Variants in AGBL1 observed in about 807,000 individuals in gnomAD.
The protein encoded by AGBL1 is cytosolic carboxypeptidase 4.
A neutral mutation model predicts 118.9 loss-of-function variants in AGBL1; 130 were observed. The observed-to-expected ratio is 1.09, with a 90% CI of 0.95 to 1.26. The LOEUF (loss-of-function observed/expected upper bound fraction) is 1.26, where lower values mean the gene tolerates loss of function less well. Ranked by LOEUF, AGBL1 falls within the 50% of genes most tolerant of loss-of-function variation. AGBL1 has a pLI of 0.00. For synonymous variants in AGBL1, 555 were observed against 478.9 expected (o/e 1.16, Z -2.08); for missense variants, 1,584 against 1,298.1 (o/e 1.22, Z -3.38).
chr15:86,756,162 G>A (rs569898159), intron 22 of AGBL1, among the ~76,000 whole-genome samples: 48 of 149,802 alleles, frequency 3.2e-4, no homozygotes, highest in Non-Finnish European at 5.6e-4. Context: ...CAGGAGCCAG[G>A]CCAAACAAAT....
chr15:86,223,629 C>G (rs957512045), intron 5 of AGBL1, among the ~76,000 whole-genome samples: 9 of 152,132 alleles, frequency 5.9e-5, no homozygotes, highest in African/African-American at 2.2e-4. Flanking sequence ...TCCATGAAAG[C>G]TAGCCTCGCC....
chr15:86,196,924 CACG>C, intron 5 of AGBL1, among the ~76,000 whole-genome samples: 1 of 148,512 alleles, frequency 6.7e-6, no homozygotes, highest in African/African-American at 2.5e-5. Flanking sequence ...CACACACACA[CACG>C]AAAGGCCATA....
At chr15:86,441,511 G>C (rs2082064265) in intron 18 of AGBL1, among the ~76,000 whole-genome samples, 3 of 152,198 alleles carry the variant, frequency 2.0e-5, no homozygotes, top group Admixed American at 2.0e-4. Context: ...AAGACGGTGT[G>C]AGAGTAGGGG....
chr15:86,781,487 C>T (rs1016582456), intron 22 of AGBL1, among the ~76,000 whole-genome samples: 2 of 152,096 alleles, frequency 1.3e-5, no homozygotes, highest in African/African-American at 2.4e-5. Context: ...ATGACAGGTG[C>T]TCAAAACCAG....
rs78903091 is a variant in AGBL1 at position 86,362,844 on chromosome 15, C to T, written c.2375-34522C>T. Among the ~76,000 whole-genome samples, 229 of 152,324 alleles carry T rather than the reference C, an allele frequency of 1.5e-3. 5 individuals carry two copies. In the East Asian group the frequency reaches 0.037, roughly 25 times the overall value. On this transcript the variant is annotated intron_variant, in intron 17 of 22. Transcript: ENST00000614907. ...GAGGTGGATGTGTTTCCTGCCTTCA[C>T]CCAGTTCCCTGGGTGGGCAGGACTG... is the stretch of plus-strand genomic sequence containing the variant.
chr15:86,782,512 CAA>C (rs1203644335), intron 22 of AGBL1, among the ~76,000 whole-genome samples: 2 of 152,128 alleles, frequency 1.3e-5, no homozygotes, highest in East Asian at 3.9e-4. Flanking sequence ...AAGCAAAATC[CAA>C]AAATAATCAT....
At chr15:86,277,305 T>TGTGC (rs1491174176) in intron 15 of AGBL1, among the ~76,000 whole-genome samples, 2 of 109,884 alleles carry the variant, frequency 1.8e-5, no homozygotes, top group African/African-American at 9.0e-5. Flanking sequence ...TGTGTGTGCA[T>TGTGC]GTGTGTGTGT....
chr15:86,485,977 A>G (rs1226601734), intron 18 of AGBL1, among the ~76,000 whole-genome samples: 3 of 151,954 alleles, frequency 2.0e-5, no homozygotes, highest in Non-Finnish European at 4.4e-5. Flanking sequence ...AGGATTGCAG[A>G]GCAGCTAAGA....
rs1410855813 is a variant in AGBL1 at position 86,286,727 on chromosome 15, T to TTGTGTG, written c.2220+6948_2220+6953dup. On this transcript the variant is annotated intron_variant, in intron 16 of 22. Coordinates refer to ENST00000614907, the MANE Select transcript of AGBL1 (RefSeq NM_001386094.1). ...TGTGTATATATATGTGTGTGTGTGT[T>TTGTGTG]TGTGTGTGTATATATATATATAAAA... Among the ~76,000 whole-genome samples, 99 of 80,440 alleles carry TTGTGTG rather than the reference T, an allele frequency of 1.2e-3. 1 individual carries two copies. The highest frequency in any genetic ancestry group is 2.5e-3 in the African/African-American group (38 of 15,342). The allele number at this position is 80,440 out of a possible 152,430, so 52.8% of individuals were successfully genotyped here.
intron 18 of AGBL1, among the ~76,000 whole-genome samples, chr15:86,444,924 A>G (rs2082104180): frequency 3.9e-5 from 6 of 152,234 alleles, no homozygotes; most frequent in Admixed American, 3.9e-4. Flanking sequence ...AACTCCAAAG[A>G]CAATTTTAAC....
chr15:86,468,772 T>C lies in AGBL1; in HGVS notation c.2556-54038T>C, dbSNP rs183254454. Among the ~76,000 whole-genome samples the C allele has an allele frequency of 5.8e-3, 888 of 152,290 alleles. 5 individuals are homozygous for C. Among genetic ancestry groups the C allele is most frequent in the Non-Finnish European group, 8.9e-3 (608 of 68,020 alleles). On this transcript the variant is annotated intron_variant, in intron 18 of 22. Coordinates refer to ENST00000614907, the MANE Select transcript of AGBL1 (RefSeq NM_001386094.1). ...CGCTAATAATTCAGCAATTATGGTA[T>C]TAAAAGAGTGTTTTGTAGGATAGAC... is the stretch of plus-strand genomic sequence containing the variant.
intron 22 of AGBL1, among the ~76,000 whole-genome samples, chr15:86,692,540 G>A (rs1443604283): frequency 6.6e-6 from 1 of 152,088 alleles, no homozygotes; most frequent in East Asian, 1.9e-4. Flanking sequence ...AAGGAGGGAG[G>A]TTGAGGAATA....
intron 23 of AGBL1, among the ~76,000 whole-genome samples, chr15:86,951,015 A>G (rs2141670514): frequency 6.6e-6 from 1 of 152,352 alleles, no homozygotes; most frequent in Non-Finnish European, 1.5e-5. Context: ...GCTCAAATGC[A>G]GAGTTCTACA....
At chr15:86,727,530 C>A (rs1049552982) in intron 22 of AGBL1, among the ~76,000 whole-genome samples, 1 of 151,998 alleles carries the variant, frequency 6.6e-6, no homozygotes, top group Non-Finnish European at 1.5e-5. Context: ...TAGTTCTTCC[C>A]CAAGAACTTG....
chr15:86,594,839 A>T (rs944934225), intron 21 of AGBL1, among the ~76,000 whole-genome samples: 1 of 151,990 alleles, frequency 6.6e-6, no homozygotes, highest in Non-Finnish European at 1.5e-5. Flanking sequence ...TTGTATACTC[A>T]CTCTCGTTTT....
intron 5 of AGBL1, among the ~76,000 whole-genome samples, chr15:86,160,423 T>A (rs966591257): frequency 2.3e-4 from 35 of 152,212 alleles, no homozygotes; most frequent in African/African-American, 8.4e-4. Flanking sequence ...GGGATTTCAC[T>A]CTTCTCCCCC....
chr15:86,314,538 C>G (rs897072978), intron 17 of AGBL1, among the ~76,000 whole-genome samples: 4 of 152,174 alleles, frequency 2.6e-5, no homozygotes, highest in East Asian at 1.9e-4. Flanking sequence ...GCCCCTTCCT[C>G]TATGGTGGGT....
chr15:86,316,372 C>T (rs2141834433), intron 17 of AGBL1, among the ~76,000 whole-genome samples: 1 of 152,178 alleles, frequency 6.6e-6, no homozygotes, highest in East Asian at 1.9e-4. Context: ...TCCTACACGG[C>T]TTATACTAAA....
At chr15:86,930,803 A>G (rs1024056219) in intron 23 of AGBL1, among the ~76,000 whole-genome samples, 1 of 152,210 alleles carries the variant, frequency 6.6e-6, no homozygotes, top group Admixed American at 6.5e-5. Context: ...GAGTTTCTTC[A>G]AGGGGAATTC....
Sources: allele counts gnomAD v4.1 joint callset (sites outside exome capture counted in the v4.1 genomes callset), GRCh38; gene constraint gnomAD v4.1.1; transcripts MANE v1.5; gene names NCBI Gene and HGNC (gene_info 2026-07-23, HGNC 2026-07-21).